Variants in MDGA1 observed in about 807,000 individuals in gnomAD.
MDGA1 encodes the protein MAM domain containing glycosylphosphatidylinositol anchor 1, also known as MAM domain-containing glycosylphosphatidylinositol anchor protein 1.
In MDGA1, 54 loss-of-function variants were observed where a neutral mutation model predicts 101.5. The observed-to-expected ratio is 0.53, with a 90% CI of 0.43 to 0.67. The LOEUF (loss-of-function observed/expected upper bound fraction) is 0.67. Among genes scored for constraint, MDGA1 ranks in the 30% least tolerant of loss-of-function variants. The probability of loss-of-function intolerance (pLI) is 0.00; values close to 1 mark genes in which losing one functional copy is unlikely to be tolerated. For missense variants in MDGA1, 1,083 were observed against 1,323.8 expected, an observed-to-expected ratio of 0.82 and a Z score of 2.82; for synonymous variants, 533 against 558.3, an observed-to-expected ratio of 0.95 and a Z score of 0.64.
At chr6:37,682,163 C>T (rs1561861825) in intron 1 of MDGA1, among the ~76,000 whole-genome samples, 2 of 152,332 alleles carry the variant, frequency 1.3e-5, no homozygotes, top group East Asian at 3.9e-4. Context: ...GACCCTTCAC[C>T]TCTGGCCGTT....
rs1427519182 is a variant in MDGA1, at chr6:37,648,983, G to A, written c.1893C>T (p.Ser631=). The stretch of plus-strand genomic sequence containing the variant: ...GGGCGGGACCCACTGGACGCTCACC[G>A]GAGACCTGGAAGAGGCAGGCAGCCG... ...VGSAACLFQV[S]AKAYSPEFYF... The change falls in exon 9 of 17, where the codon TCC becomes TCT. Residue 631 remains serine (S), a splice_region_variant and synonymous_variant. Coordinates refer to ENST00000434837, the MANE Select transcript of MDGA1 (RefSeq NM_153487.4). The A allele has an allele frequency of 6.4e-7, 1 of 1,552,664 alleles. No homozygotes were observed. The highest frequency in any genetic ancestry group is 2.5e-5 in the East Asian group (1 of 40,472).
chr6:37,685,715 C>T (rs773738052), intron 1 of MDGA1, among the ~76,000 whole-genome samples: 22 of 152,108 alleles, frequency 1.4e-4, no homozygotes, highest in Admixed American at 5.9e-4. Flanking sequence ...CCGACAGTGT[C>T]GGGGGGCGCT....
Position 37,638,816 on chromosome 6 carries a change from C to A in MDGA1, c.2537-149G>T. The A allele has an allele frequency of 2.9e-6, 3 of 1,023,426 alleles. No homozygotes were observed. 63.4% of individuals were successfully genotyped at this position (1,023,426 alleles called of 1,614,324 possible). Reference sequence around the variant, plus strand: ...CCCCATGCCCAGCTGGGTGCAATGTCCCATTCCTGCAGGGACACCCTCAGT... The same window carrying A: ...CCCCATGCCCAGCTGGGTGCAATGTACCATTCCTGCAGGGACACCCTCAGT... On this transcript the variant is annotated intron_variant, in intron 14 of 16. Transcript: ENST00000434837. This position sits in a 1 kb window ranked among gnomAD's most constrained non-coding sequence, Gnocchi z 4.8.
At chr6:37,669,955 G>A (rs528306700) in intron 1 of MDGA1, among the ~76,000 whole-genome samples, 2 of 152,296 alleles carry the variant, frequency 1.3e-5, no homozygotes, top group South Asian at 2.1e-4. Flanking sequence ...CGAAAACAGG[G>A]AGATGTGATA....
intron 1 of MDGA1, among the ~76,000 whole-genome samples, chr6:37,673,929 C>T (rs933835341): frequency 6.6e-6 from 1 of 152,198 alleles, no homozygotes; most frequent in African/African-American, 2.4e-5. Context: ...CCCATCCTCC[C>T]TCTCGCTCCC....
chr6:37,664,906 C>CACACACAT (rs1761712840), intron 1 of MDGA1, among the ~76,000 whole-genome samples: 2 of 147,590 alleles, frequency 1.4e-5, no homozygotes. Flanking sequence ...CACACACACA[C>CACACACAT]GGCTGCACAT....
intron 13 of MDGA1, among the ~76,000 whole-genome samples, 160 bp from the exon 14 acceptor site, chr6:37,644,103 C>T (rs1205992648): frequency 8.1e-5 from 3 of 36,872 alleles, no homozygotes; most frequent in African/African-American, 1.7e-4. Flanking sequence ...ACACATCCTG[C>T]CTCACCCCAC....
At chr6:37,656,442 C>T (rs552377815) in intron 3 of MDGA1, among the ~76,000 whole-genome samples, 6 of 151,406 alleles carry the variant, frequency 4.0e-5, no homozygotes, top group South Asian at 2.1e-4. Flanking sequence ...GCGCAATCAT[C>T]GCTCACTGCA....
chr6:37,675,369 C>T (rs1014638932), intron 1 of MDGA1, among the ~76,000 whole-genome samples: 1 of 152,192 alleles, frequency 6.6e-6, no homozygotes, highest in African/African-American at 2.4e-5. Context: ...TTCGATGAGA[C>T]AATGCACATC....
At position 37,650,297 on chromosome 6, in the gene MDGA1, A is replaced by G; in HGVS notation, c.1421T>C (p.Leu474Pro). Residue 474 changes from leucine (L) to proline (P), a missense_variant, in exon 8 of 17, where the codon CTC (leucine) becomes CCC (proline). Leu to Pro is a moderately conservative substitution (Grantham distance 98). Coordinates refer to ENST00000434837, the MANE Select transcript of MDGA1 (RefSeq NM_153487.4). ...EVRGKPRPPV[L>P]WSRVDKEAAL... ...AGCCTCCTTGTCCACGCGGGACCAGAGCACTGGCGGCCGCGGCTTGCCCCG... is the reference window on the plus strand; with the variant it reads ...AGCCTCCTTGTCCACGCGGGACCAGGGCACTGGCGGCCGCGGCTTGCCCCG... 6.2e-7 allele frequency: 1 copy of G among 1,601,924 alleles called. No individual in the cohort carries two copies. Among genetic ancestry groups the G allele is most frequent in the Non-Finnish European group, 8.5e-7 (1 of 1,175,864 alleles).
At chr6:37,683,084 T>G (rs1269188108) in intron 1 of MDGA1, among the ~76,000 whole-genome samples, 1 of 152,154 alleles carries the variant, frequency 6.6e-6, no homozygotes, top group Non-Finnish European at 1.5e-5. Flanking sequence ...TTAAATTCAG[T>G]GGGATGGAGA....
At chr6:37,689,521 C>A (rs1261224696) in intron 1 of MDGA1, among the ~76,000 whole-genome samples, 1 of 152,220 alleles carries the variant, frequency 6.6e-6, no homozygotes, top group East Asian at 1.9e-4. Context: ...TCATCACAAG[C>A]CCACGCAGTG....
At chr6:37,671,883 A>G (rs571760676) in intron 1 of MDGA1, among the ~76,000 whole-genome samples, 2 of 152,310 alleles carry the variant, frequency 1.3e-5, no homozygotes, top group African/African-American at 4.8e-5. Flanking sequence ...CTTCAGGCCT[A>G]TAATCCCAGC....
At position 37,688,190 on chromosome 6, in the gene MDGA1, C is replaced by G. The variant is rs531501707; in HGVS notation, c.67+8555G>C. On this transcript the variant is annotated intron_variant, in intron 1 of 16. Transcript: ENST00000434837. ...TCTGTTTTGGTCTGGCTTTTTCAGA[C>G]ACACTGTCTACACCAGCTGTGCCCA... is the stretch of plus-strand genomic sequence containing the variant. 5.1e-4 allele frequency among the ~76,000 whole-genome samples: 77 copies of G among 152,330 alleles called. 1 individual carries two copies. The highest frequency in any genetic ancestry group is 1.6e-3 in the Admixed American group (24 of 15,304).
chr6:37,694,757 G>A (rs1762382285), intron 1 of MDGA1, among the ~76,000 whole-genome samples: 1 of 152,092 alleles, frequency 6.6e-6, no homozygotes, highest in Non-Finnish European at 1.5e-5. Flanking sequence ...AACACTGCCT[G>A]AAGCCAAGCT....
chr6:37,654,351 T>C lies in MDGA1; in HGVS notation c.905A>G (p.Asp302Gly). 2 of 1,610,554 alleles carry C rather than the reference T, an allele frequency of 1.2e-6. No homozygotes were observed. Among genetic ancestry groups the C allele is most frequent in the Non-Finnish European group, 1.7e-6 (2 of 1,178,126 alleles). The change falls in exon 6 of 17, where the codon GAC becomes GGC. Residue 302 changes from aspartate (D) to glycine (G), a missense_variant. Asp to Gly is a moderately conservative substitution (Grantham distance 94). This residue lies in a region of MDGA1 where 116 missense variants were observed against 196.6 expected (regional missense o/e 0.59). Coordinates refer to ENST00000434837, the MANE Select transcript of MDGA1 (RefSeq NM_153487.4). ...TLSIPSVQARDSGYYNCTATN... is the reference protein window; with the variant it reads ...TLSIPSVQARGSGYYNCTATN... Reference sequence around the variant, plus strand: ...GGCTGTGCAGTTGTAGTAGCCAGAGTCCCGGGCCTGCACTGAAGGGATGCT... The same window carrying C: ...GGCTGTGCAGTTGTAGTAGCCAGAGCCCCGGGCCTGCACTGAAGGGATGCT...
At chr6:37,647,080 T>A in intron 10 of MDGA1, 93 bp downstream of exon 10, 1 of 1,224,694 alleles carries the variant, frequency 8.2e-7, no homozygotes. Context: ...CTAAGCCCCA[T>A]CTCCGACCCT....
chr6:37,640,700 G>T (rs1025729289), intron 14 of MDGA1, among the ~76,000 whole-genome samples: 1 of 152,086 alleles, frequency 6.6e-6, no homozygotes, highest in African/African-American at 2.4e-5. Context: ...GGGGGACATT[G>T]GAGCTGATGG....
rs771740730 is a variant in MDGA1 at position 37,658,233 on chromosome 6, G to A, written c.382+12C>T. The A allele has an allele frequency of 1.9e-6, 3 of 1,567,304 alleles. No individual in the cohort carries two copies. Among genetic ancestry groups the A allele is most frequent in the Non-Finnish European group, 1.7e-6 (2 of 1,154,888 alleles). On this transcript the variant is annotated intron_variant, in intron 3 of 16. Transcript: ENST00000434837. ...CTGTCAGGGCCCGGGGAGAGAGGGG[G>A]CCTCAACTCACACTGCACGTCCACG...
Sources: gnomAD v4.1 joint callset for allele counts (sites outside exome capture counted in the v4.1 genomes callset) on GRCh38, gnomAD v4.1.1 for gene constraint, gnomAD v4.1.1 regional missense constraint, Gnocchi (gnomAD v3.1) non-coding constraint, MANE v1.5 for transcripts, NCBI Gene and HGNC (gene_info 2026-07-23, HGNC 2026-07-21) for gene names.